Variants in GLG1 observed in about 807,000 individuals in gnomAD.
The protein encoded by GLG1 is Golgi apparatus protein 1.
A neutral mutation model predicts 160.5 loss-of-function variants in GLG1; 38 were observed. The observed-to-expected ratio is 0.24, with a 90% CI of 0.18 to 0.31. The LOEUF (loss-of-function observed/expected upper bound fraction) is 0.31. Among genes scored for constraint, GLG1 ranks in the 10% least tolerant of loss-of-function variants. GLG1 has a pLI of 1.00. For missense variants in GLG1, 1,373 were observed against 1,505.2 expected (o/e 0.91, Z 1.45); for synonymous variants, 644 against 543.4 (o/e 1.19, Z -2.57).
chr16:74,507,776 T>C (rs918027935), intron 3 of GLG1, among the ~76,000 whole-genome samples: 3 of 151,996 alleles, frequency 2.0e-5, no homozygotes, highest in Non-Finnish European at 2.9e-5. Context: ...TACCACAATA[T>C]AGAGGGAAAA....
intron 25 of GLG1, among the ~76,000 whole-genome samples, chr16:74,455,654 G>A (rs928010044): frequency 4.6e-5 from 7 of 152,260 alleles, no homozygotes; most frequent in African/African-American, 1.7e-4. Context: ...GGAAGTAAAA[G>A]GGTGATAAAA....
At chr16:74,496,033 G>C (rs548660123) in intron 5 of GLG1, among the ~76,000 whole-genome samples, 19 of 152,304 alleles carry the variant, frequency 1.2e-4, no homozygotes, top group African/African-American at 4.3e-4. Flanking sequence ...CAGAGACAGA[G>C]GGAGGAGATC....
intron 2 of GLG1, 70 bp from the exon 3 acceptor site, chr16:74,508,995 G>C (rs138228089): frequency 1.4e-6 from 1 of 702,900 alleles, no homozygotes; most frequent in Non-Finnish European, 2.5e-6. Context: ...TATTATCAAC[G>C]TTAAATGACA....
intron 9 of GLG1, among the ~76,000 whole-genome samples, chr16:74,485,231 C>A (rs1398713527): frequency 6.6e-6 from 1 of 152,190 alleles, no homozygotes; most frequent in East Asian, 1.9e-4. Context: ...GTTTTTACAT[C>A]ATAAAAAATA....
Position 74,452,162 on chromosome 16 carries a change from C to A in GLG1, c.*1005G>T. On this transcript the variant is annotated 3_prime_UTR_variant, in exon 26 of 26. Coordinates refer to ENST00000422840, the MANE Select transcript of GLG1 (RefSeq NM_001145667.2). ...AAATAAAGCAAAGTGAGTCAAACCT[C>A]TGGCTCCCACTTCCTGACCCACTGC... 1 of 1,611,488 alleles carries A rather than the reference C, an allele frequency of 6.2e-7. No individual in the cohort carries two copies. Among genetic ancestry groups the A allele is most frequent in the South Asian group, 1.1e-5 (1 of 90,796 alleles).
chr16:74,464,012 C>A (rs1196987596), intron 19 of GLG1: 1 of 155,006 alleles, frequency 6.5e-6, no homozygotes, highest in Non-Finnish European at 1.4e-5. Context: ...AACATCTATC[C>A]AAAAGCTGAT....
At chr16:74,596,892 G>A (rs556554590) in intron 1 of GLG1, among the ~76,000 whole-genome samples, 1 of 152,284 alleles carries the variant, frequency 6.6e-6, no homozygotes, top group African/African-American at 2.4e-5. Context: ...CAAGGCAGGA[G>A]GACTGCTTGA....
At chr16:74,522,378 T>C (rs149826452) in intron 2 of GLG1, among the ~76,000 whole-genome samples, 18 of 152,362 alleles carry the variant, frequency 1.2e-4, no homozygotes, top group Middle Eastern at 3.4e-3. Context: ...ATCACCGTTG[T>C]TCCACATTCA....
intron 1 of GLG1, among the ~76,000 whole-genome samples, chr16:74,540,998 G>GT (rs2017848869): frequency 6.6e-6 from 1 of 152,134 alleles, no homozygotes; most frequent in Admixed American, 6.5e-5. Context: ...CTGTGAGGTT[G>GT]TAACTACCAC....
intron 1 of GLG1, among the ~76,000 whole-genome samples, chr16:74,601,479 G>A (rs934616861): frequency 3.9e-4 from 60 of 151,908 alleles, no homozygotes; most frequent in African/African-American, 1.4e-3. Context: ...GAAGCAGAGA[G>A]AGAAAATGCT....
At chr16:74,506,171 T>A (rs55970754) in intron 3 of GLG1, among the ~76,000 whole-genome samples, 1,908 of 150,510 alleles carry the variant, frequency 0.013, 12 homozygotes, top group Non-Finnish European at 0.021. Flanking sequence ...CCAGCACTTG[T>A]AATTCAACCA....
chr16:74,502,577 T>A (rs1014831105), intron 4 of GLG1, among the ~76,000 whole-genome samples: 29 of 151,864 alleles, frequency 1.9e-4, no homozygotes, highest in African/African-American at 6.5e-4. Context: ...GGAGTCTCAC[T>A]CTGTCTCCCA....
intron 1 of GLG1, among the ~76,000 whole-genome samples, chr16:74,550,744 A>T (rs1000110870): frequency 2.6e-5 from 4 of 152,176 alleles, no homozygotes; most frequent in Non-Finnish European, 5.9e-5. Context: ...GAAAAAAAAA[A>T]TTTAGAGATT....
At chr16:74,554,442 G>A (rs1397048955) in intron 1 of GLG1, among the ~76,000 whole-genome samples, 1 of 152,214 alleles carries the variant, frequency 6.6e-6, no homozygotes, top group Admixed American at 6.5e-5. Flanking sequence ...GCTGAGGCAG[G>A]ACAATCACTT....
At chr16:74,514,770 G>A (rs980776882) in intron 2 of GLG1, among the ~76,000 whole-genome samples, 4 of 152,098 alleles carry the variant, frequency 2.6e-5, no homozygotes, top group African/African-American at 9.7e-5. Flanking sequence ...ATAATGACAG[G>A]ATCAAATTCA....
At position 74,486,841 on chromosome 16, in the gene GLG1, G is replaced by A. The variant is rs192747412; in HGVS notation, c.1450-924C>T. On this transcript the variant is annotated intron_variant, in intron 8 of 25. Transcript: ENST00000422840. Reference sequence around the variant, plus strand: ...TATATGGGAGAATATTAGGTAAACTGCAAAGCATTTTACAGACATGAAAGA... The same window carrying A: ...TATATGGGAGAATATTAGGTAAACTACAAAGCATTTTACAGACATGAAAGA... Among the ~76,000 whole-genome samples, 20 of 152,130 alleles carry A rather than the reference G, an allele frequency of 1.3e-4. No individual in the cohort carries two copies. The East Asian group carries it at 2.7e-3, about 21-fold the overall frequency.
At chr16:74,601,689 T>C (rs950155380) in intron 1 of GLG1, among the ~76,000 whole-genome samples, 1 of 152,220 alleles carries the variant, frequency 6.6e-6, no homozygotes, top group Non-Finnish European at 1.5e-5. Context: ...CTCAGACTAA[T>C]TAAATTAGCG....
intron 25 of GLG1, among the ~76,000 whole-genome samples, chr16:74,454,186 AT>A (rs2014435175): frequency 6.6e-6 from 1 of 151,480 alleles, no homozygotes; most frequent in African/African-American, 2.4e-5. Context: ...TAAATTCTAT[AT>A]TATTTCTAAA....
At chr16:74,528,155 C>G (rs2017400851) in intron 2 of GLG1, among the ~76,000 whole-genome samples, 1 of 152,074 alleles carries the variant, frequency 6.6e-6, no homozygotes, top group South Asian at 2.1e-4. Context: ...GCGTGAGCCA[C>G]AAAACCTGGC....
Sources: allele counts gnomAD v4.1 joint callset (sites outside exome capture counted in the v4.1 genomes callset), GRCh38; gene constraint gnomAD v4.1.1; transcripts MANE v1.5; gene names NCBI Gene and HGNC (gene_info 2026-07-23, HGNC 2026-07-21).